The following RNF216 variants were observed in gnomAD, a reference collection of about 807,000 sequenced individuals.
The protein encoded by RNF216 is E3 ubiquitin-protein ligase RNF216.
In RNF216, 72 loss-of-function variants were observed where a neutral mutation model predicts 110.8. The ratio of observed to expected loss-of-function variants is 0.65; its 90% CI spans 0.54 to 0.79. The LOEUF is 0.79. Ranked by LOEUF, RNF216 falls within the 30% of genes least tolerant of loss-of-function variation. The pLI, the probability that RNF216 is intolerant of heterozygous loss-of-function variation, is 0.00. For missense variants in RNF216, 1,342 were observed against 1,141.2 expected (o/e 1.18, Z -2.54); for synonymous variants, 495 against 407.5 (o/e 1.21, Z -2.59).
At chr7:5,684,822 C>G (rs1467100445) in intron 13 of RNF216, among the ~76,000 whole-genome samples, 1 of 151,966 alleles carries the variant, frequency 6.6e-6, no homozygotes, top group East Asian at 1.9e-4. Flanking sequence ...AAATGACATG[C>G]CTCACATTTT....
At chr7:5,712,203 G>C (rs1792747633) in intron 12 of RNF216, among the ~76,000 whole-genome samples, 2 of 152,238 alleles carry the variant, frequency 1.3e-5, no homozygotes, top group South Asian at 4.1e-4. Flanking sequence ...CTACAGTCTG[G>C]GCGCGGTGGC....
chr7:5,779,676 AAAGTT>A (rs1415942165), intron 1 of RNF216, among the ~76,000 whole-genome samples: 6 of 150,342 alleles, frequency 4.0e-5, no homozygotes, highest in African/African-American at 9.8e-5. Context: ...AAAAAAAAAA[AAAGTT>A]AGCCGAGCGT....
chr7:5,669,033 A>G (rs1008838156), intron 13 of RNF216, among the ~76,000 whole-genome samples: 8 of 152,188 alleles, frequency 5.3e-5, no homozygotes, highest in Non-Finnish European at 7.3e-5. Flanking sequence ...TGTGGACCTA[A>G]TATTATAAAG....
intron 15 of RNF216, among the ~76,000 whole-genome samples, chr7:5,633,371 T>C (rs1253631964): frequency 6.6e-6 from 1 of 151,670 alleles, no homozygotes; most frequent in East Asian, 2.0e-4. Flanking sequence ...AGGTCAGGAG[T>C]TTGAGACCAG....
intron 13 of RNF216, among the ~76,000 whole-genome samples, chr7:5,675,195 T>C (rs10272652): frequency 0.01 from 1,568 of 152,316 alleles, 27 homozygotes; most frequent in African/African-American, 0.036. Context: ...TAACAGTCTG[T>C]TGTATGCTAG....
At chr7:5,630,977 G>C (rs1787034013) in intron 15 of RNF216, among the ~76,000 whole-genome samples, 1 of 152,160 alleles carries the variant, frequency 6.6e-6, no homozygotes, top group South Asian at 2.1e-4. Context: ...GGGGGCCTGA[G>C]AACACTGCTG....
intron 3 of RNF216, among the ~76,000 whole-genome samples, chr7:5,749,696 G>C (rs1015529816): frequency 4.6e-5 from 7 of 152,194 alleles, no homozygotes; most frequent in Non-Finnish European, 8.8e-5. Context: ...AAAGTGCTGT[G>C]TGTTCAAAGA....
At position 5,644,312 on chromosome 7, in the gene RNF216, G is replaced by A. The variant is rs186917007; in HGVS notation, c.2160-2936C>T. On this transcript the variant is annotated intron_variant, in intron 14 of 16. Coordinates refer to ENST00000389902, the MANE Select transcript of RNF216 (RefSeq NM_207111.4). Reference sequence around the variant, plus strand: ...TATTCCCACCTCAATGTATACTGGTGTCATTTTTTCTATATCTCTGTCAAG... The same window carrying A: ...TATTCCCACCTCAATGTATACTGGTATCATTTTTTCTATATCTCTGTCAAG... Among the ~76,000 whole-genome samples the A allele has an allele frequency of 1.9e-4, 29 of 152,174 alleles. No homozygotes were observed. In the East Asian group the frequency reaches 3.9e-3, roughly 20 times the overall value.
At chr7:5,751,543 T>C (rs966605805) in intron 3 of RNF216, among the ~76,000 whole-genome samples, 5 of 152,200 alleles carry the variant, frequency 3.3e-5, no homozygotes, top group East Asian at 3.8e-4. Context: ...TAAATCTTCA[T>C]TGGGAATCAT....
chr7:5,703,018 A>G (rs1792068274), intron 13 of RNF216, among the ~76,000 whole-genome samples: 1 of 152,054 alleles, frequency 6.6e-6, no homozygotes, highest in African/African-American at 2.4e-5. Flanking sequence ...TGCGGCCTGA[A>G]CCTGAAGCTC....
intron 13 of RNF216, among the ~76,000 whole-genome samples, chr7:5,707,041 C>G (rs1309685447): frequency 6.6e-6 from 1 of 152,198 alleles, no homozygotes; most frequent in African/African-American, 2.4e-5. Flanking sequence ...TACCTTTTCC[C>G]CCGGTGGGTG....
chr7:5,671,805 C>CAAAAAAA lies in RNF216; in HGVS notation c.2062-19302_2062-19296dup, dbSNP rs11319565. ...GAGCAAAGAGACCAAAACTCCGTCT[C>CAAAAAAA]AAAAAAAAAAAAAAAAAAAAAAAAG... On this transcript the variant is annotated intron_variant, in intron 13 of 16. Coordinates refer to ENST00000389902, the MANE Select transcript of RNF216 (RefSeq NM_207111.4). Among the ~76,000 whole-genome samples, 54 of 54,222 alleles carry CAAAAAAA rather than the reference C, an allele frequency of 1.0e-3. 3 individuals are homozygous for CAAAAAAA. The highest frequency in any genetic ancestry group is 3.9e-3 in the African/African-American group (48 of 12,382). 35.6% of individuals were successfully genotyped at this position (54,222 alleles called of 152,430 possible).
chr7:5,638,231 G>T (rs1319904153), intron 15 of RNF216, among the ~76,000 whole-genome samples: 1 of 152,204 alleles, frequency 6.6e-6, no homozygotes, highest in Admixed American at 6.5e-5. Context: ...GTTTTAAAGT[G>T]TAGATATATA....
chr7:5,725,054 C>T (rs1382288029), intron 8 of RNF216, among the ~76,000 whole-genome samples: 1 of 152,200 alleles, frequency 6.6e-6, no homozygotes, highest in African/African-American at 2.4e-5. Flanking sequence ...CTTAACAGCA[C>T]ACTCAAATAC....
At chr7:5,691,560 CAG>C (rs1791342141) in intron 13 of RNF216, among the ~76,000 whole-genome samples, 1 of 152,142 alleles carries the variant, frequency 6.6e-6, no homozygotes, top group East Asian at 1.9e-4. Flanking sequence ...GTGAGAAAAA[CAG>C]AGTATGTGTG....
At chr7:5,656,410 T>C (rs1209495036) in intron 13 of RNF216, among the ~76,000 whole-genome samples, 3 of 152,226 alleles carry the variant, frequency 2.0e-5, no homozygotes, top group Non-Finnish European at 4.4e-5. Flanking sequence ...AAGTACACTT[T>C]GACGAGTAAC....
chr7:5,636,398 C>T (rs1468673474), intron 15 of RNF216, among the ~76,000 whole-genome samples: 1 of 152,196 alleles, frequency 6.6e-6, no homozygotes, highest in Non-Finnish European at 1.5e-5. Flanking sequence ...CTGTTCACCA[C>T]TTGAGCTCTT....
At chr7:5,745,586 T>C (rs1166711541) in intron 3 of RNF216, among the ~76,000 whole-genome samples, 3 of 152,006 alleles carry the variant, frequency 2.0e-5, no homozygotes, top group African/African-American at 7.2e-5. Context: ...GGTAAGGTGA[T>C]TGAGTATAAA....
intron 13 of RNF216, among the ~76,000 whole-genome samples, chr7:5,661,028 G>GC (rs1789102972): frequency 8.1e-6 from 1 of 123,746 alleles, no homozygotes; most frequent in South Asian, 2.8e-4. Context: ...TGCAACCTCC[G>GC]CCTCCAGGGT....
Sources: gnomAD v4.1 joint callset for allele counts (sites outside exome capture counted in the v4.1 genomes callset) on GRCh38, gnomAD v4.1.1 for gene constraint, MANE v1.5 for transcripts, NCBI Gene and HGNC (gene_info 2026-07-23, HGNC 2026-07-21) for gene names.